Variants in DYNC1LI1 observed in about 807,000 individuals in gnomAD.
DYNC1LI1 encodes dynein cytoplasmic 1 light intermediate chain 1, also known as cytoplasmic dynein 1 light intermediate chain 1.
Under a neutral mutation model 63.8 loss-of-function variants are expected in DYNC1LI1, and 19 were observed. That is an observed-to-expected ratio of 0.30 (90% CI 0.21 to 0.44). DYNC1LI1 has a LOEUF of 0.44. DYNC1LI1 is among the 20% of genes least tolerant of loss of function. DYNC1LI1 has a pLI of 1.00. For missense variants in DYNC1LI1, 565 were observed against 630.2 expected, an observed-to-expected ratio of 0.90 and a Z score of 1.11; for synonymous variants, 225 against 232.3, an observed-to-expected ratio of 0.97 and a Z score of 0.28.
At chr3:32,556,313 T>C (rs925359664) in intron 2 of DYNC1LI1, among the ~76,000 whole-genome samples, 4 of 152,218 alleles carry the variant, frequency 2.6e-5, no homozygotes, top group Non-Finnish European at 5.9e-5. Context: ...TAGCACACTG[T>C]ACTGCAGAGG....
intron 2 of DYNC1LI1, among the ~76,000 whole-genome samples, chr3:32,553,960 T>C (rs535139906): frequency 2.6e-4 from 39 of 152,304 alleles, no homozygotes; most frequent in African/African-American, 7.2e-4. Flanking sequence ...TCCTGGTGCA[T>C]AAGGAGGCAA....
chr3:32,548,458 A>G (rs1048134490), intron 2 of DYNC1LI1, among the ~76,000 whole-genome samples: 1 of 152,184 alleles, frequency 6.6e-6, no homozygotes, highest in African/African-American at 2.4e-5. Context: ...AAGACTGGGG[A>G]CTGCTGTGTT....
chr3:32,540,248 AAT>A (rs2125435342), intron 5 of DYNC1LI1, among the ~76,000 whole-genome samples: 1 of 152,296 alleles, frequency 6.6e-6, no homozygotes, highest in Admixed American at 6.5e-5. Context: ...TAATTTTGAT[AAT>A]AGTGGTCCTA....
intron 5 of DYNC1LI1, among the ~76,000 whole-genome samples, chr3:32,539,389 C>T (rs933227906): frequency 6.6e-6 from 1 of 152,044 alleles, no homozygotes; most frequent in Non-Finnish European, 1.5e-5. Flanking sequence ...TTTAATTTTA[C>T]ATGTGCAAAT....
At chr3:32,534,372 A>G (rs1179203746) in intron 7 of DYNC1LI1, 139 bp downstream of exon 7, 1 of 655,828 alleles carries the variant, frequency 1.5e-6, no homozygotes, top group African/African-American at 1.9e-5. Flanking sequence ...TATAAACAAA[A>G]AACAATCTAG....
intron 10 of DYNC1LI1, 99 bp downstream of exon 10, chr3:32,530,185 C>A: frequency 1.0e-6 from 1 of 969,610 alleles, no homozygotes; most frequent in Non-Finnish European, 1.5e-6. Flanking sequence ...AAGTTTATAT[C>A]AAAGCACACC....
rs1376740576 is a variant in DYNC1LI1, at chr3:32,545,424, TAGAG to T, written c.338-322_338-319del. ...TGTTTATGTTTTTACCATCAGCAGA[TAGAG>T]ATATGCATACTCAAGATATCATATA... On this transcript the variant is annotated intron_variant, in intron 3 of 12. Transcript: ENST00000273130. 2.5e-5 allele frequency: 10 copies of T among 394,526 alleles called. No homozygotes were observed. The East Asian group carries it at 5.3e-4, about 21-fold the overall frequency. The allele number at this position is 394,526 out of a possible 1,614,324, so 24.4% of individuals were successfully genotyped here.
intron 2 of DYNC1LI1, among the ~76,000 whole-genome samples, chr3:32,554,863 A>T (rs1261101531): frequency 6.7e-5 from 7 of 104,732 alleles, no homozygotes; most frequent in South Asian, 6.1e-4. Context: ...AAATTTTTGA[A>T]TTTTTTTTTT....
intron 2 of DYNC1LI1, among the ~76,000 whole-genome samples, chr3:32,554,666 G>GA: frequency 6.6e-6 from 1 of 151,872 alleles, no homozygotes; most frequent in Non-Finnish European, 1.5e-5. Flanking sequence ...ACAGAATAAG[G>GA]AAAAAACAAA....
intron 2 of DYNC1LI1, among the ~76,000 whole-genome samples, chr3:32,558,583 C>T (rs1698147698): frequency 6.6e-6 from 1 of 152,030 alleles, no homozygotes; most frequent in East Asian, 1.9e-4. Context: ...CGGTGGCTCA[C>T]GCCTGTAATC....
At position 32,560,812 on chromosome 3, in the gene DYNC1LI1, T is replaced by G. The variant is rs371390953; in HGVS notation, c.220+9534A>C. On this transcript the variant is annotated intron_variant, in intron 2 of 12. Transcript: ENST00000273130. ...TAAGGTCGGGAGTTCAAGACCAGCC[T>G]GACCAACATGGAGAAACCCCCGTCT... is the stretch of plus-strand genomic sequence containing the variant. Among the ~76,000 whole-genome samples, 7 of 151,718 alleles carry G rather than the reference T, an allele frequency of 4.6e-5. No homozygotes were observed. The East Asian group carries it at 5.8e-4, about 13-fold the overall frequency.
In DYNC1LI1 at chr3:32,537,974, T is replaced by TTATATATTATATATATATAATTTA. The variant is rs1697810138; in HGVS notation, c.739-871_739-870insTAAATTATATATATATAATATATA. ...ATTTATATATATAATATATATATATTTATATATAATATATATATATAATTT... is the reference window on the plus strand; with the variant it reads ...ATTTATATATATAATATATATATATTTATATATTATATATATATAATTTATATATATAATATATATATATAATTT... On this transcript the variant is annotated intron_variant, in intron 5 of 12. Transcript: ENST00000273130. Among the ~76,000 whole-genome samples, 4 of 20,524 alleles carry TTATATATTATATATATATAATTTA rather than the reference T, an allele frequency of 1.9e-4. 1 individual carries two copies. The highest frequency in any genetic ancestry group is 7.3e-4 in the Admixed American group (1 of 1,364). The allele number at this position is 20,524 out of a possible 152,430, so 13.5% of individuals were successfully genotyped here.
intron 12 of DYNC1LI1, 97 bp downstream of exon 12, chr3:32,528,349 C>G: frequency 1.4e-6 from 2 of 1,421,706 alleles, no homozygotes; most frequent in Admixed American, 2.0e-5. Flanking sequence ...AGCAAAGATA[C>G]CAAAACCACA....
chr3:32,564,520 C>G (rs77519863), intron 2 of DYNC1LI1, among the ~76,000 whole-genome samples: 1 of 152,176 alleles, frequency 6.6e-6, no homozygotes, highest in African/African-American at 2.4e-5. Flanking sequence ...ATATGACTTA[C>G]AAAGCCTAAA....
chr3:32,528,112 CAAAAAAAAAAAAAAAA>C lies in DYNC1LI1; in HGVS notation c.1462+318_1462+333del, dbSNP rs60912161. Among the ~76,000 whole-genome samples, 313 of 29,928 alleles carry C rather than the reference CAAAAAAAAAAAAAAAA, an allele frequency of 0.01. 3 individuals are homozygous for C. The Middle Eastern group carries it at 0.36, about 34-fold the overall frequency. 19.6% of individuals were successfully genotyped at this position (29,928 alleles called of 152,430 possible). A position where few individuals can be genotyped will look rare whatever the true frequency, so the allele number is the denominator to read the frequency against. ...TGGGCAACAGAACAAGACTCCATCT[CAAAAAAAAAAAAAAAA>C]AAAAAAAAAAAAAAAAGAAATGAAA... On this transcript the variant is annotated intron_variant, in intron 12 of 12. Coordinates refer to ENST00000273130, the MANE Select transcript of DYNC1LI1 (RefSeq NM_016141.4).
At chr3:32,538,008 AATATATATATATAAT>A (rs1697815469) in intron 5 of DYNC1LI1, among the ~76,000 whole-genome samples, 1 of 26,244 alleles carries the variant, frequency 3.8e-5, no homozygotes, top group South Asian at 8.3e-4. Flanking sequence ...TTATATATAT[AATATATATATATAAT>A]TTATATATAT....
rs767482314 is a variant in DYNC1LI1 at position 32,526,893 on chromosome 3, A to G, written c.1478T>C (p.Leu493Ser). The change falls in exon 13 of 13, where the codon TTA becomes TCA. Residue 493 changes from leucine to serine, a missense_variant. By Grantham distance (145) the Leu-to-Ser change is moderately radical. Transcript: ENST00000273130. ...STKKSGQKPV[L>S]DVHAELDRIT... Reference sequence around the variant, plus strand: ...TCTGTCTAGTTCTGCATGAACATCTAAGACAGGCTTCTGGCCTACATTGAA... The same window carrying G: ...TCTGTCTAGTTCTGCATGAACATCTGAGACAGGCTTCTGGCCTACATTGAA... 1 of 1,613,690 alleles carries G rather than the reference A, an allele frequency of 6.2e-7. No homozygotes were observed. The highest frequency in any genetic ancestry group is 1.1e-5 in the South Asian group (1 of 91,062).
intron 5 of DYNC1LI1, among the ~76,000 whole-genome samples, chr3:32,537,518 C>T (rs146082059): frequency 6.6e-6 from 1 of 152,124 alleles, no homozygotes; most frequent in African/African-American, 2.4e-5. Context: ...GTCTCTACTT[C>T]TCACCATTTC....
rs1697616832 is a variant in DYNC1LI1 at position 32,526,322 on chromosome 3, T to C, written c.*477A>G. ...GTGTGTGGTGGTACATTTATTGTGG[T>C]GTGCAAAATCTGACAACTGACGATT... On this transcript the variant is annotated 3_prime_UTR_variant, in exon 13 of 13. Coordinates refer to ENST00000273130, the MANE Select transcript of DYNC1LI1 (RefSeq NM_016141.4). The C allele has an allele frequency of 6.5e-6, 1 of 153,444 alleles. No homozygotes were observed. The highest frequency in any genetic ancestry group is 2.4e-5 in the African/African-American group (1 of 41,450). 9.5% of individuals were successfully genotyped at this position (153,444 alleles called of 1,614,324 possible).
Sources: gnomAD v4.1 joint callset for allele counts (sites outside exome capture counted in the v4.1 genomes callset) on GRCh38, gnomAD v4.1.1 for gene constraint, MANE v1.5 for transcripts, NCBI Gene and HGNC (gene_info 2026-07-23, HGNC 2026-07-21) for gene names.